The following SHB variants were observed in gnomAD, a reference collection of about 807,000 sequenced individuals.
SHB encodes the protein SH2 domain containing adaptor protein B.
Under a neutral mutation model 52.3 loss-of-function variants are expected in SHB, and 20 were observed. The ratio of observed to expected loss-of-function variants is 0.38; its 90% CI spans 0.27 to 0.56. SHB has a LOEUF of 0.56. SHB is among the 20% of genes least tolerant of loss of function. The pLI is 0.71. For synonymous variants in SHB, 397 were observed against 316.5 expected, an observed-to-expected ratio of 1.25 and a Z score of -2.70; for missense variants, 825 against 723.3, an observed-to-expected ratio of 1.14 and a Z score of -1.61.
At chr9:38,020,565 G>A (rs1049542080) in intron 1 of SHB, among the ~76,000 whole-genome samples, 3 of 152,158 alleles carry the variant, frequency 2.0e-5, no homozygotes, top group Non-Finnish European at 4.4e-5. Flanking sequence ...TGGAGAAAAA[G>A]AGGACCCGAC....
chr9:37,973,454 C>T (rs1820614971), intron 3 of SHB, among the ~76,000 whole-genome samples: 1 of 152,196 alleles, frequency 6.6e-6, no homozygotes, highest in Non-Finnish European at 1.5e-5. Flanking sequence ...AACTCCCAAC[C>T]TCAGGTGATC....
At chr9:38,066,525 G>A (rs1821962535) in intron 1 of SHB, among the ~76,000 whole-genome samples, 1 of 152,132 alleles carries the variant, frequency 6.6e-6, no homozygotes, top group South Asian at 2.1e-4. Flanking sequence ...CAGCTCCTAG[G>A]TAGCCACCTG....
At chr9:38,035,428 T>C (rs1047369089) in intron 1 of SHB, among the ~76,000 whole-genome samples, 1 of 151,948 alleles carries the variant, frequency 6.6e-6, no homozygotes, top group South Asian at 2.1e-4. Flanking sequence ...CCCTGAAGCA[T>C]AGGACTGGGG....
intron 1 of SHB, among the ~76,000 whole-genome samples, chr9:38,024,467 T>C (rs1264260510): frequency 1.3e-5 from 2 of 152,172 alleles, no homozygotes; most frequent in African/African-American, 4.8e-5. Context: ...CTCCGACTTG[T>C]TAGGAAAAAC....
chr9:37,989,856 G>A (rs1258622153), intron 2 of SHB, among the ~76,000 whole-genome samples: 1 of 152,200 alleles, frequency 6.6e-6, no homozygotes, highest in Non-Finnish European at 1.5e-5. Flanking sequence ...ACAAGAGCCA[G>A]GAACCTGAAA....
At position 38,068,586 on chromosome 9, in the gene SHB, CG is replaced by C. The variant is rs1385254953; in HGVS notation, c.59del (p.Pro20ArgfsTer221). The C allele has an allele frequency of 4.0e-6, 6 of 1,490,346 alleles. No homozygotes were observed. Among genetic ancestry groups the C allele is most frequent in the South Asian group, 2.6e-5 (2 of 77,498 alleles). 92.3% of individuals were successfully genotyped at this position (1,490,346 alleles called of 1,614,324 possible). A position where few individuals can be genotyped will look rare whatever the true frequency, so the allele number is the denominator to read the frequency against. ...SLGNSKTKSPPQPPRPDYREQ... is the reference protein window; with the variant it reads ...SLGNSKTKSPXQPPRPDYREQ... ...CGCGGTAGTCTGGCCGCGGCGGCTG[CG>C]GGGGGCTCTTGGTCTTGCTGTTGCC... On this transcript the variant is annotated frameshift_variant, in exon 1 of 6. Coordinates refer to ENST00000377707, the MANE Select transcript of SHB (RefSeq NM_003028.3). LOFTEE classifies it high-confidence loss of function.
intron 3 of SHB, among the ~76,000 whole-genome samples, chr9:37,967,757 T>G (rs538994055): frequency 6.6e-6 from 1 of 152,364 alleles, no homozygotes; most frequent in African/African-American, 2.4e-5. Context: ...GCAATCTGTA[T>G]AACACTTCCT....
intron 2 of SHB, among the ~76,000 whole-genome samples, chr9:37,988,505 T>C (rs1820838771): frequency 6.6e-6 from 1 of 152,110 alleles, no homozygotes; most frequent in Non-Finnish European, 1.5e-5. Context: ...TACTAGCATG[T>C]TGGACGCTGA....
intron 1 of SHB, among the ~76,000 whole-genome samples, chr9:38,054,884 C>T (rs1490414110): frequency 1.3e-5 from 2 of 152,168 alleles, no homozygotes; most frequent in Non-Finnish European, 2.9e-5. Context: ...CAAAAGGTAA[C>T]AAATCTCAAC....
chr9:37,916,133 G>C lies in SHB; in HGVS notation c.*3688C>G, dbSNP rs1004656316. 6.6e-6 allele frequency among the ~76,000 whole-genome samples: 1 copy of C among 152,224 alleles called. No homozygotes were observed. Among genetic ancestry groups the C allele is most frequent in the Non-Finnish European group, 1.5e-5 (1 of 68,042 alleles). On this transcript the variant is annotated 3_prime_UTR_variant, in exon 6 of 6. Coordinates refer to ENST00000377707, the MANE Select transcript of SHB (RefSeq NM_003028.3). ...CGCGCCTGTGAACAAGTCCCCGTGGGGTTCTGGGAGGTGCGCCCACATCTA... is the reference window on the plus strand; with the variant it reads ...CGCGCCTGTGAACAAGTCCCCGTGGCGTTCTGGGAGGTGCGCCCACATCTA...
At chr9:38,057,907 C>T (rs568050109) in intron 1 of SHB, among the ~76,000 whole-genome samples, 1 of 152,362 alleles carries the variant, frequency 6.6e-6, no homozygotes, top group South Asian at 2.1e-4. Flanking sequence ...TGCTCCAGCC[C>T]TGTCCCTGGA....
At chr9:38,052,722 C>T (rs899757248) in intron 1 of SHB, among the ~76,000 whole-genome samples, 5 of 152,194 alleles carry the variant, frequency 3.3e-5, no homozygotes, top group African/African-American at 1.2e-4. Context: ...CTGACCCTTT[C>T]ACTCACTCCC....
intron 1 of SHB, among the ~76,000 whole-genome samples, chr9:38,044,887 G>A (rs1440886389): frequency 1.3e-5 from 2 of 152,232 alleles, no homozygotes; most frequent in African/African-American, 2.4e-5. Context: ...GACATGGTGT[G>A]ACTGCTTCCG....
At chr9:37,956,354 C>T (rs7043965) in intron 3 of SHB, among the ~76,000 whole-genome samples, 2 of 151,508 alleles carry the variant, frequency 1.3e-5, no homozygotes, top group Non-Finnish European at 2.9e-5. Flanking sequence ...GCACTGCCTT[C>T]GGGGGGCACT....
chr9:38,033,371 C>T (rs552117087), intron 1 of SHB, among the ~76,000 whole-genome samples: 1 of 152,296 alleles, frequency 6.6e-6, no homozygotes, highest in Non-Finnish European at 1.5e-5. Context: ...GCCCTTCCAA[C>T]CCACAGATCC....
In SHB at chr9:37,917,602, G is replaced by C. The variant is rs1037277422; in HGVS notation, c.*2219C>G. ...CCTCAGCCTCTCTTGGGCCTCCTCT[G>C]AGAATAAGCCTTGGGGTCCAGGCTC... On this transcript the variant is annotated 3_prime_UTR_variant, in exon 6 of 6. Coordinates refer to ENST00000377707, the MANE Select transcript of SHB (RefSeq NM_003028.3). Among the ~76,000 whole-genome samples, 4 of 152,320 alleles carry C rather than the reference G, an allele frequency of 2.6e-5. No individual in the cohort carries two copies. The highest frequency in any genetic ancestry group is 9.6e-5 in the African/African-American group (4 of 41,568).
Position 38,068,666 on chromosome 9 carries a change from CGCGGCG to C in SHB, c.-27_-22del, listed in dbSNP as rs1822012100. 1.9e-5 allele frequency: 25 copies of C among 1,318,986 alleles called. No individual in the cohort carries two copies. The highest frequency in any genetic ancestry group is 2.0e-5 in the Non-Finnish European group (21 of 1,040,854). 81.7% of individuals were successfully genotyped at this position (1,318,986 alleles called of 1,614,324 possible). ...GCCATGGCGAGAGGCCGCCTAGGGC[CGCGGCG>C]CGGGAGCCCGGTCCGCCGCCGCGGC... On this transcript the variant is annotated 5_prime_UTR_variant, in exon 1 of 6. Transcript: ENST00000377707.
chr9:37,960,564 AAG>A (rs1220993211), intron 3 of SHB, among the ~76,000 whole-genome samples: 4 of 152,178 alleles, frequency 2.6e-5, no homozygotes, highest in East Asian at 1.9e-4. Flanking sequence ...TGGTTGATGG[AAG>A]AGAGAGGCTG....
rs554720095 is a variant in SHB at position 37,918,121 on chromosome 9, C to T, written c.*1700G>A. ...TGAACCTGCTGATGACATTCAAACT[C>T]GGCCCCTTGTGCTCTGCCCAGGTGG... On this transcript the variant is annotated 3_prime_UTR_variant, in exon 6 of 6. Transcript: ENST00000377707. 1.5e-4 allele frequency among the ~76,000 whole-genome samples: 23 copies of T among 152,350 alleles called. No homozygotes were observed. In the South Asian group the frequency reaches 2.1e-3, roughly 14 times the overall value.
Sources: allele counts gnomAD v4.1 joint callset (sites outside exome capture counted in the v4.1 genomes callset), GRCh38; gene constraint gnomAD v4.1.1; transcripts MANE v1.5; gene names NCBI Gene and HGNC (gene_info 2026-07-23, HGNC 2026-07-21).